ATP8A2: variants seen among roughly 807,000 people sequenced by gnomAD.
The protein encoded by ATP8A2 is ATPase phospholipid transporting 8A2, also known as phospholipid-transporting ATPase IB.
In ATP8A2, 100 loss-of-function variants were observed where a neutral mutation model predicts 165.6. That is an observed-to-expected ratio of 0.60 (90% CI 0.51 to 0.71). The LOEUF is 0.71. Ranked by LOEUF, ATP8A2 falls within the 30% of genes least tolerant of loss-of-function variation. The pLI is 0.00. For synonymous variants in ATP8A2, 543 were observed against 548.8 expected, an observed-to-expected ratio of 0.99 and a Z score of 0.15; for missense variants, 1,227 against 1,479.5, an observed-to-expected ratio of 0.83 and a Z score of 2.80.
chr13:25,976,851 C>T (rs1297636714), intron 35 of ATP8A2, among the ~76,000 whole-genome samples: 1 of 152,104 alleles, frequency 6.6e-6, no homozygotes, highest in Non-Finnish European at 1.5e-5. Flanking sequence ...TGCAGTGGTG[C>T]GACCTCAGCT....
chr13:25,425,009 C>A (rs1056049856), intron 1 of ATP8A2, among the ~76,000 whole-genome samples: 1 of 152,146 alleles, frequency 6.6e-6, no homozygotes, highest in Non-Finnish European at 1.5e-5. Flanking sequence ...ATGTTTCCTG[C>A]AAGTTTTCCT....
chr13:26,012,776 G>C (rs1192904567), intron 36 of ATP8A2, among the ~76,000 whole-genome samples, 154 bp downstream of exon 36: 1 of 151,824 alleles, frequency 6.6e-6, no homozygotes, highest in African/African-American at 2.4e-5. Flanking sequence ...ACTGCAAAAT[G>C]TGTATTTGGC....
intron 27 of ATP8A2, among the ~76,000 whole-genome samples, chr13:25,812,714 CTA>C (rs1408640178): frequency 1.3e-5 from 2 of 151,688 alleles, no homozygotes; most frequent in Non-Finnish European, 2.9e-5. Context: ...TATGGTAAAA[CTA>C]TATGTGTCAA....
chr13:25,389,455 A>G (rs1250764229), intron 1 of ATP8A2, among the ~76,000 whole-genome samples: 1 of 152,174 alleles, frequency 6.6e-6, no homozygotes, highest in Non-Finnish European at 1.5e-5. Context: ...GTTACTTGGA[A>G]ATCTTCAGCC....
chr13:25,886,318 A>G (rs1410818387), intron 33 of ATP8A2, among the ~76,000 whole-genome samples: 5 of 152,304 alleles, frequency 3.3e-5, no homozygotes, highest in African/African-American at 7.2e-5. Flanking sequence ...GAGGTCATAA[A>G]GCTAACTTAA....
intron 35 of ATP8A2, among the ~76,000 whole-genome samples, chr13:25,983,245 A>G (rs752071134): frequency 2.0e-5 from 3 of 152,218 alleles, no homozygotes; most frequent in Non-Finnish European, 4.4e-5. Context: ...ATTCAGCAAC[A>G]TTTTTCATTT....
intron 32 of ATP8A2, among the ~76,000 whole-genome samples, chr13:25,861,366 A>G (rs933722366): frequency 1.3e-5 from 2 of 152,254 alleles, no homozygotes; most frequent in Non-Finnish European, 1.5e-5. Context: ...ATACAAGTCA[A>G]CAAAGTTATT....
In ATP8A2 at chr13:25,436,034, T is replaced by C. The variant is rs112804381; in HGVS notation, c.77-32943T>C. On this transcript the variant is annotated intron_variant, in intron 1 of 36. Coordinates refer to ENST00000381655, the MANE Select transcript of ATP8A2 (RefSeq NM_016529.6). ...CAGACTAAATTTAAGCCACCGGCAA[T>C]CTTTTTATTGGGTCATAGCCATAAA... 1.6e-4 allele frequency among the ~76,000 whole-genome samples: 25 copies of C among 152,076 alleles called. 1 individual carries two copies. Among genetic ancestry groups the C allele is most frequent in the African/African-American group, 5.1e-4 (21 of 41,482 alleles).
intron 24 of ATP8A2, among the ~76,000 whole-genome samples, chr13:25,668,214 A>G (rs2042194087): frequency 6.6e-6 from 1 of 152,140 alleles, no homozygotes; most frequent in African/African-American, 2.4e-5. Context: ...AGCATGTCTT[A>G]TAGGGCAGGC....
At chr13:25,439,908 A>AT (rs1491262149) in intron 1 of ATP8A2, among the ~76,000 whole-genome samples, 3 of 39,938 alleles carry the variant, frequency 7.5e-5, no homozygotes, top group Admixed American at 7.2e-4. Context: ...CCCTGTCTAT[A>AT]AAAAAAAAAA....
At position 25,372,556 on chromosome 13, in the gene ATP8A2, G is replaced by A. The variant is rs1209513621; in HGVS notation, c.76+268G>A. Among the ~76,000 whole-genome samples, 2 of 152,314 alleles carry A rather than the reference G, an allele frequency of 1.3e-5. No homozygotes were observed. The highest frequency in any genetic ancestry group is 4.8e-5 in the African/African-American group (2 of 41,592). ...CCGGCTCGTCCCTGTACAGATGTGT[G>A]TGTGTGTGTGCGGCCTCCCTGTGCG... On this transcript the variant is annotated intron_variant, in intron 1 of 36. Coordinates refer to ENST00000381655, the MANE Select transcript of ATP8A2 (RefSeq NM_016529.6). The surrounding 1 kb of genome is among the most constrained non-coding windows in gnomAD (Gnocchi z 4.8).
At chr13:26,017,857 G>C (rs1359850587) in intron 36 of ATP8A2, among the ~76,000 whole-genome samples, 4 of 152,228 alleles carry the variant, frequency 2.6e-5, no homozygotes, top group Admixed American at 1.3e-4. Context: ...GTACCCAGCT[G>C]TCTGAGGGCT....
In ATP8A2 at chr13:25,976,631, G is replaced by A. The variant is rs542825070; in HGVS notation, c.3377+7952G>A. On this transcript the variant is annotated intron_variant, in intron 35 of 36. Transcript: ENST00000381655. The stretch of plus-strand genomic sequence containing the variant: ...AATCCAAGGAAGCTAGAGAATTGTA[G>A]TTGCATGTTGTTGTCTTTTAGATCC... Among the ~76,000 whole-genome samples, 13 of 152,108 alleles carry A rather than the reference G, an allele frequency of 8.5e-5. No individual in the cohort carries two copies. In the South Asian group the frequency reaches 1.9e-3, roughly 22 times the overall value.
intron 33 of ATP8A2, among the ~76,000 whole-genome samples, chr13:25,897,554 G>T (rs889209718): frequency 3.3e-5 from 5 of 152,128 alleles, no homozygotes; most frequent in African/African-American, 1.2e-4. Context: ...GGCGTTCTCT[G>T]TATTTCCTGA....
intron 35 of ATP8A2, among the ~76,000 whole-genome samples, chr13:26,001,089 C>G (rs1347723171): frequency 6.6e-6 from 1 of 152,210 alleles, no homozygotes; most frequent in African/African-American, 2.4e-5. Flanking sequence ...TGTTTTCAGT[C>G]TTTACATATT....
chr13:25,812,059 A>G (rs191415759), intron 27 of ATP8A2, among the ~76,000 whole-genome samples: 105 of 152,154 alleles, frequency 6.9e-4, no homozygotes, highest in African/African-American at 2.5e-3. Context: ...CTCTAATTTT[A>G]ATTAATTCAG....
At chr13:25,964,915 T>C (rs1020658031) in intron 34 of ATP8A2, among the ~76,000 whole-genome samples, 1 of 152,212 alleles carries the variant, frequency 6.6e-6, no homozygotes, top group Non-Finnish European at 1.5e-5. Flanking sequence ...ATCCCAGCAC[T>C]TTGGGAGGCC....
intron 1 of ATP8A2, among the ~76,000 whole-genome samples, chr13:25,450,137 T>C (rs1305908936): frequency 6.6e-6 from 1 of 152,242 alleles, no homozygotes; most frequent in Non-Finnish European, 1.5e-5. Flanking sequence ...TCTATCCATG[T>C]TCCTGCAAAA....
At chr13:25,440,603 G>A (rs1054151191) in intron 1 of ATP8A2, among the ~76,000 whole-genome samples, 1 of 152,138 alleles carries the variant, frequency 6.6e-6, no homozygotes, top group Non-Finnish European at 1.5e-5. Flanking sequence ...TCTCACCCGC[G>A]GCTGGAGAAG....
Sources: gnomAD v4.1 joint callset for allele counts (sites outside exome capture counted in the v4.1 genomes callset) on GRCh38, gnomAD v4.1.1 for gene constraint, Gnocchi (gnomAD v3.1) non-coding constraint, MANE v1.5 for transcripts, NCBI Gene and HGNC (gene_info 2026-07-23, HGNC 2026-07-21) for gene names.